PDE4D: variants seen among roughly 807,000 people sequenced by gnomAD.
The protein encoded by PDE4D is 3',5'-cyclic-AMP phosphodiesterase 4D.
PDE4D carries 24 observed loss-of-function variants against 87.4 expected under a neutral mutation model. The ratio of observed to expected loss-of-function variants is 0.27; its 90% CI spans 0.20 to 0.39. PDE4D has a LOEUF of 0.39. Among genes scored for constraint, PDE4D ranks in the 10% least tolerant of loss-of-function variants. The pLI is 1.00. For missense variants in PDE4D, 714 were observed against 1,041.0 expected (o/e 0.69, Z 4.32); for synonymous variants, 384 against 383.2 (o/e 1.00, Z -0.02).
chr5:59,090,097 T>C (rs1315096202), intron 5 of PDE4D, among the ~76,000 whole-genome samples: 1 of 152,126 alleles, frequency 6.6e-6, no homozygotes, highest in Non-Finnish European at 1.5e-5. Flanking sequence ...AGCAATTACT[T>C]ACGGGATAAG....
intron 2 of PDE4D, among the ~76,000 whole-genome samples, chr5:59,214,538 T>C (rs1750805983): frequency 2.0e-5 from 3 of 152,198 alleles, no homozygotes; most frequent in Admixed American, 2.0e-4. Context: ...GTGCTCACCA[T>C]ATTTTATTAC....
At chr5:59,722,692 C>T (rs1290751962) in intron 1 of PDE4D, among the ~76,000 whole-genome samples, 1 of 152,090 alleles carries the variant, frequency 6.6e-6, no homozygotes, top group Non-Finnish European at 1.5e-5. Flanking sequence ...TATAGAGTTA[C>T]AAACAGTTTA....
chr5:60,364,949 C>A (rs1760393601), intron 1 of PDE4D, among the ~76,000 whole-genome samples: 1 of 152,132 alleles, frequency 6.6e-6, no homozygotes, highest in East Asian at 1.9e-4. Context: ...TTTTAAAAAC[C>A]TTGATAGACT....
intron 1 of PDE4D, among the ~76,000 whole-genome samples, chr5:60,514,236 T>A (rs886102043): frequency 3.3e-5 from 5 of 152,064 alleles, no homozygotes; most frequent in African/African-American, 1.2e-4. Flanking sequence ...TTATATGAAA[T>A]GGACGATTCA....
intron 1 of PDE4D, among the ~76,000 whole-genome samples, chr5:60,483,551 CA>C (rs1748894554): frequency 6.6e-6 from 1 of 152,042 alleles, no homozygotes; most frequent in South Asian, 2.1e-4. Context: ...GTGTTTCTAG[CA>C]CCTAACTCCT....
At chr5:60,065,823 C>A (rs140536815) in intron 2 of PDE4D, among the ~76,000 whole-genome samples, 1 of 152,142 alleles carries the variant, frequency 6.6e-6, no homozygotes, top group Non-Finnish European at 1.5e-5. Context: ...TTTTCTTAAT[C>A]CAGTCTATCG....
intron 1 of PDE4D, among the ~76,000 whole-genome samples, chr5:60,283,485 G>A (rs1309276741): frequency 1.3e-5 from 2 of 152,144 alleles, no homozygotes; most frequent in East Asian, 3.9e-4. Context: ...TTTTGTGAGA[G>A]GTACTAAATG....
chr5:59,757,626 C>T (rs1235340809), intron 1 of PDE4D, among the ~76,000 whole-genome samples: 1 of 152,138 alleles, frequency 6.6e-6, no homozygotes, highest in Non-Finnish European at 1.5e-5. Flanking sequence ...TGTTACCAAG[C>T]AGTTTGCTGT....
At chr5:59,144,473 A>C (rs746445710) in intron 5 of PDE4D, among the ~76,000 whole-genome samples, 41 of 152,354 alleles carry the variant, frequency 2.7e-4, no homozygotes, top group Non-Finnish European at 4.6e-4. Context: ...GTATGTCTCC[A>C]GAAAGCAAAA....
At chr5:59,818,383 ACAGT>A (rs2152685810) in intron 1 of PDE4D, among the ~76,000 whole-genome samples, 1 of 152,358 alleles carries the variant, frequency 6.6e-6, no homozygotes, top group South Asian at 2.1e-4. Context: ...TGCCTGAAAC[ACAGT>A]CAGTGCTCAA....
At chr5:59,226,992 A>T (rs1178661281) in intron 1 of PDE4D, among the ~76,000 whole-genome samples, 1 of 152,138 alleles carries the variant, frequency 6.6e-6, no homozygotes, top group Admixed American at 6.5e-5. Context: ...ACTAACTAAG[A>T]GTATGGAGGG....
intron 2 of PDE4D, among the ~76,000 whole-genome samples, chr5:60,082,869 G>C (rs1005765451): frequency 1.3e-5 from 2 of 152,018 alleles, no homozygotes; most frequent in Non-Finnish European, 2.9e-5. Context: ...CATGCTGCTC[G>C]CTCTACTTAA....
At chr5:59,585,422 A>G (rs1237475319) in intron 1 of PDE4D, among the ~76,000 whole-genome samples, 1 of 152,220 alleles carries the variant, frequency 6.6e-6, no homozygotes, top group African/African-American at 2.4e-5. Flanking sequence ...CATTTACCTG[A>G]AAGATATACT....
intron 1 of PDE4D, chr5:59,587,493 G>A: frequency 1.0e-6 from 1 of 985,404 alleles, no homozygotes. Flanking sequence ...GCTCCTGCTG[G>A]AGTCCCCCAG....
intron 3 of PDE4D, among the ~76,000 whole-genome samples, chr5:59,920,604 T>C (rs1754555063): frequency 6.6e-6 from 1 of 152,164 alleles, no homozygotes; most frequent in Non-Finnish European, 1.5e-5. Flanking sequence ...GAACAGACCC[T>C]GGAGCCACAT....
At chr5:59,037,866 AT>A (rs1407723275) in intron 6 of PDE4D, among the ~76,000 whole-genome samples, 4 of 152,150 alleles carry the variant, frequency 2.6e-5, no homozygotes, top group African/African-American at 9.7e-5. Flanking sequence ...ATTTAAAGAT[AT>A]GTGCACATAG....
At chr5:60,287,873 T>C (rs1752550619) in intron 1 of PDE4D, among the ~76,000 whole-genome samples, 1 of 152,192 alleles carries the variant, frequency 6.6e-6, no homozygotes, top group Admixed American at 6.5e-5. Context: ...TTTGTTTTTA[T>C]GTGTAAGCTC....
At chr5:60,303,382 C>A (rs904943750) in intron 1 of PDE4D, among the ~76,000 whole-genome samples, 1 of 149,206 alleles carries the variant, frequency 6.7e-6, no homozygotes, top group African/African-American at 2.5e-5. Context: ...GATCTCGGCT[C>A]ACTGCAAGCT....
At chr5:59,931,748 C>T (rs1477748359) in intron 3 of PDE4D, among the ~76,000 whole-genome samples, 1 of 138,502 alleles carries the variant, frequency 7.2e-6, no homozygotes, top group African/African-American at 2.7e-5. Flanking sequence ...GTCGCCCAGG[C>T]TGGAGTGCAG....
Sources: gnomAD v4.1 joint callset for allele counts (sites outside exome capture counted in the v4.1 genomes callset) on GRCh38, gnomAD v4.1.1 for gene constraint, MANE v1.5 for transcripts, NCBI Gene and HGNC (gene_info 2026-07-23, HGNC 2026-07-21) for gene names.